Variants in HFM1 observed in about 807,000 individuals in gnomAD.
The protein encoded by HFM1 is probable ATP-dependent DNA helicase HFM1.
HFM1 carries 169 observed loss-of-function variants against 192.1 expected under a neutral mutation model. That is an observed-to-expected ratio of 0.88 (90% CI 0.78 to 1.00). HFM1 has a LOEUF of 1.00. Ranked by LOEUF, HFM1 falls within the 50% of genes least tolerant of loss-of-function variation. HFM1 has a pLI of 0.00. For missense variants in HFM1, 1,661 were observed against 1,668.0 expected (o/e 1.00, Z 0.07); for synonymous variants, 525 against 537.8 (o/e 0.98, Z 0.33).
At chr1:91,282,343 C>T (rs1667535980) in intron 30 of HFM1, among the ~76,000 whole-genome samples, 1 of 151,402 alleles carries the variant, frequency 6.6e-6, no homozygotes, top group African/African-American at 2.4e-5. Flanking sequence ...TTTAAAATGG[C>T]ATCCTATTCA....
intron 35 of HFM1, 65 bp from the exon 36 acceptor site, chr1:91,266,172 G>C: frequency 8.6e-7 from 1 of 1,157,544 alleles, no homozygotes; most frequent in Non-Finnish European, 1.3e-6. Flanking sequence ...CTTTTCACAA[G>C]TTCTACAACG....
At chr1:91,404,320 C>G (rs1664627143) in intron 1 of HFM1, among the ~76,000 whole-genome samples, 1 of 152,218 alleles carries the variant, frequency 6.6e-6, no homozygotes, top group Non-Finnish European at 1.5e-5. Context: ...CTTAGGGCCC[C>G]GAGAGTGGCA....
Position 91,276,996 on chromosome 1 carries a change from C to T in HFM1, c.3458G>A (p.Cys1153Tyr). ...CNHLCKSKHT[C>Y]GHDCCKIGVA... ...AAGGAACTCACAGCAGTCATGTCCA[C>T]ATGTATGTTTACTTTTACAAAGATG... The change falls in exon 31 of 39, where the codon TGT (cysteine) becomes TAT (tyrosine). Residue 1153 changes from cysteine to tyrosine, a missense_variant. Cys to Tyr is a radical substitution (Grantham distance 194). Transcript: ENST00000370425. 6.3e-7 allele frequency: 1 copy of T among 1,592,292 alleles called. No homozygotes were observed. Among genetic ancestry groups the T allele is most frequent in the South Asian group, 1.2e-5 (1 of 86,596 alleles).
chr1:91,388,922 G>T (rs1333100427), intron 4 of HFM1, among the ~76,000 whole-genome samples: 1 of 152,074 alleles, frequency 6.6e-6, no homozygotes, highest in Non-Finnish European at 1.5e-5. Flanking sequence ...TGGGAATAAA[G>T]AACTCTTAAA....
At chr1:91,264,436 A>G (rs984307903) in intron 36 of HFM1, among the ~76,000 whole-genome samples, 1 of 119,418 alleles carries the variant, frequency 8.4e-6, no homozygotes, top group Non-Finnish European at 1.6e-5. Context: ...GCAGTGGCGC[A>G]ATCTCGGCTC....
At chr1:91,375,081 G>A (rs915152786) in intron 13 of HFM1, among the ~76,000 whole-genome samples, 12 of 152,168 alleles carry the variant, frequency 7.9e-5, no homozygotes, top group African/African-American at 2.2e-4. Flanking sequence ...TAATTCGCAA[G>A]ATCAGCTTTA....
At chr1:91,324,793 G>A (rs762700327) in intron 20 of HFM1, 27 bp from the exon 21 acceptor site, 15 of 1,216,774 alleles carry the variant, frequency 1.2e-5, no homozygotes, top group Non-Finnish European at 1.7e-5. Flanking sequence ...AAAAATGAAC[G>A]GTCCCCTCAT....
intron 4 of HFM1, among the ~76,000 whole-genome samples, chr1:91,387,910 G>A: frequency 8.9e-6 from 1 of 112,348 alleles, no homozygotes; most frequent in African/African-American, 3.5e-5. Context: ...AAAACTTAGA[G>A]TATAATTAAA....
Position 91,396,334 on chromosome 1 carries a change from G to T in HFM1, c.143C>A (p.Thr48Asn). The T allele has an allele frequency of 1.2e-6, 2 of 1,600,616 alleles. No homozygotes were observed. Among genetic ancestry groups the T allele is most frequent in the South Asian group, 1.1e-5 (1 of 89,686 alleles). Residue 48 changes from threonine (T) to asparagine (N), a missense_variant, in exon 3 of 39, where the codon ACT becomes AAT. Coordinates refer to ENST00000370425, the MANE Select transcript of HFM1 (RefSeq NM_001017975.6). ...PAPLISEIPD[T>N]QELEEELESH... ...TTCTAATTCTTCCTCTAACTCCTGA[G>T]TATCTGGAATTTCTGAAATCAATGG...
chr1:91,267,520 G>A (rs1665876359), intron 35 of HFM1, among the ~76,000 whole-genome samples: 1 of 152,080 alleles, frequency 6.6e-6, no homozygotes, highest in South Asian at 2.1e-4. Context: ...GTGCTCATTT[G>A]CTACATTATC....
chr1:91,379,079 A>C lies in HFM1; in HGVS notation c.1142T>G (p.Ile381Ser), dbSNP rs919365504. ...DDLFEIQHAHIIMTTPEKWDS... is the reference protein window; with the variant it reads ...DDLFEIQHAHSIMTTPEKWDS... ...AATACCTACTGGAGTTGTCATAATA[A>C]TATGGGCATGCTGAATCTCAAATAG... Residue 381 changes from isoleucine to serine, a missense_variant, in exon 9 of 39, where the codon ATT (isoleucine) becomes AGT (serine). Physicochemically the swap from Ile to Ser is moderately radical, Grantham distance 142 (BLOSUM62 -2). Coordinates refer to ENST00000370425, the MANE Select transcript of HFM1 (RefSeq NM_001017975.6). 1 of 1,576,478 alleles carries C rather than the reference A, an allele frequency of 6.3e-7. No individual in the cohort carries two copies. The highest frequency in any genetic ancestry group is 1.4e-5 in the African/African-American group (1 of 72,886).
intron 20 of HFM1, among the ~76,000 whole-genome samples, chr1:91,334,165 C>A (rs1654234550): frequency 6.6e-6 from 1 of 152,092 alleles, no homozygotes; most frequent in Non-Finnish European, 1.5e-5. Context: ...TATGGCTTGA[C>A]AGTGATTATG....
intron 20 of HFM1, chr1:91,328,962 T>G: frequency 1.2e-6 from 2 of 1,612,606 alleles, no homozygotes; most frequent in East Asian, 4.5e-5. Flanking sequence ...ATGCAACACC[T>G]GACTGCCAGT....
chr1:91,399,511 C>T (rs1343023332), intron 2 of HFM1, among the ~76,000 whole-genome samples: 1 of 152,188 alleles, frequency 6.6e-6, no homozygotes, highest in East Asian at 1.9e-4. Context: ...CAGCATTCAA[C>T]GCACATCACC....
chr1:91,284,577 T>C (rs969501301), intron 30 of HFM1, among the ~76,000 whole-genome samples: 2 of 152,130 alleles, frequency 1.3e-5, no homozygotes, highest in African/African-American at 2.4e-5. Flanking sequence ...TTCAGAATAA[T>C]ACTGCAAATG....
chr1:91,337,753 G>A lies in HFM1; in HGVS notation c.2335+5677C>T, dbSNP rs147541713. On this transcript the variant is annotated intron_variant, in intron 20 of 38. Transcript: ENST00000370425. ...ATTACATGTACAAATAAGAAATCAT[G>A]TGAGCACACAGCATGAAGATGACTG... 4.6e-5 allele frequency among the ~76,000 whole-genome samples: 7 copies of A among 152,326 alleles called. No homozygotes were observed. In the East Asian group the frequency reaches 1.2e-3, roughly 25 times the overall value.
At chr1:91,325,266 C>T (rs1652719866) in intron 20 of HFM1, among the ~76,000 whole-genome samples, 2 of 152,180 alleles carry the variant, frequency 1.3e-5, no homozygotes, top group Non-Finnish European at 2.9e-5. Flanking sequence ...CTCTTCCAAT[C>T]CCTGGCTCTC....
intron 2 of HFM1, among the ~76,000 whole-genome samples, chr1:91,400,112 CAAGTAA>C (rs1388953323): frequency 4.6e-5 from 7 of 152,010 alleles, no homozygotes; most frequent in African/African-American, 1.5e-4. Context: ...TTTGAATGAA[CAAGTAA>C]AATAATGAGG....
chr1:91,338,864 G>T (rs1283828953), intron 20 of HFM1: 1 of 452,888 alleles, frequency 2.2e-6, no homozygotes, highest in Non-Finnish European at 4.4e-6. Flanking sequence ...CATTACACAT[G>T]AGTGCGTAAC....
Sources: allele counts gnomAD v4.1 joint callset (sites outside exome capture counted in the v4.1 genomes callset), GRCh38; gene constraint gnomAD v4.1.1; transcripts MANE v1.5; gene names NCBI Gene and HGNC (gene_info 2026-07-23, HGNC 2026-07-21).